The following MEGF11 variants were observed in gnomAD, a reference collection of about 807,000 sequenced individuals.
The protein encoded by MEGF11 is multiple EGF like domains 11.
MEGF11 carries 126 observed loss-of-function variants against 146.6 expected under a neutral mutation model. That is an observed-to-expected ratio of 0.86 (90% confidence interval 0.74 to 1.00). MEGF11 has a LOEUF of 1.00. MEGF11 is among the 50% of genes least tolerant of loss of function. The pLI is 0.00. For synonymous variants in MEGF11, 532 were observed against 583.4 expected, an observed-to-expected ratio of 0.91 and a Z score of 1.27; for missense variants, 1,509 against 1,521.2, an observed-to-expected ratio of 0.99 and a Z score of 0.13.
intron 5 of MEGF11, among the ~76,000 whole-genome samples, chr15:66,006,554 C>T (rs2082526535): frequency 6.6e-6 from 1 of 152,188 alleles, no homozygotes; most frequent in East Asian, 1.9e-4. Flanking sequence ...CAGACAGAGA[C>T]TCCTAGGGCT....
chr15:66,009,923 AG>A (rs1185306430), intron 5 of MEGF11, among the ~76,000 whole-genome samples: 1 of 152,092 alleles, frequency 6.6e-6, no homozygotes, highest in Non-Finnish European at 1.5e-5. Flanking sequence ...AAAGGTGGGT[AG>A]GGGGAAGAAG....
intron 1 of MEGF11, among the ~76,000 whole-genome samples, chr15:66,218,134 G>A (rs374330898): frequency 3.9e-5 from 6 of 152,204 alleles, no homozygotes; most frequent in East Asian, 1.9e-4. Context: ...TGTTACAGTC[G>A]ACAATCACCT....
chr15:66,210,738 C>T (rs1469393791), intron 1 of MEGF11, among the ~76,000 whole-genome samples: 2 of 152,220 alleles, frequency 1.3e-5, no homozygotes, highest in Non-Finnish European at 2.9e-5. Flanking sequence ...AGGCTAGATT[C>T]CTCCCTGGAA....
intron 1 of MEGF11, among the ~76,000 whole-genome samples, chr15:66,237,374 G>A (rs1259056724): frequency 6.6e-6 from 1 of 152,092 alleles, no homozygotes; most frequent in African/African-American, 2.4e-5. Flanking sequence ...CCTTAAAATT[G>A]ATGGTCTCAC....
chr15:66,203,926 T>C (rs2091232545), intron 1 of MEGF11, among the ~76,000 whole-genome samples: 1 of 152,164 alleles, frequency 6.6e-6, no homozygotes, highest in African/African-American at 2.4e-5. Flanking sequence ...TAGGAGTGAA[T>C]ATCTTGATAT....
At chr15:66,112,578 G>A (rs1409973307) in intron 4 of MEGF11, among the ~76,000 whole-genome samples, 2 of 152,184 alleles carry the variant, frequency 1.3e-5, no homozygotes, top group African/African-American at 4.8e-5. Context: ...GGTGTGGTTG[G>A]CAATTTTCCA....
chr15:66,051,279 G>A (rs1182989662), intron 5 of MEGF11, among the ~76,000 whole-genome samples: 1 of 152,122 alleles, frequency 6.6e-6, no homozygotes, highest in Non-Finnish European at 1.5e-5. Context: ...GAGTGTTGGC[G>A]GGAAGAAGGG....
At chr15:66,189,326 C>T (rs935411564) in intron 1 of MEGF11, among the ~76,000 whole-genome samples, 5 of 151,994 alleles carry the variant, frequency 3.3e-5, no homozygotes, top group African/African-American at 1.2e-4. Flanking sequence ...GGGACAGATG[C>T]CAGCGGGAAG....
intron 1 of MEGF11, among the ~76,000 whole-genome samples, chr15:66,136,388 C>T (rs2088891179): frequency 6.6e-6 from 1 of 152,180 alleles, no homozygotes; most frequent in Non-Finnish European, 1.5e-5. Flanking sequence ...TCTCCCGCCA[C>T]ACCTCAGGGA....
chr15:66,058,696 T>A (rs1173577693), intron 5 of MEGF11, among the ~76,000 whole-genome samples: 1 of 152,006 alleles, frequency 6.6e-6, no homozygotes, highest in African/African-American at 2.4e-5. Flanking sequence ...GCATCAGGGG[T>A]CACTTCATGC....
chr15:66,054,646 GTA>G (rs1040050231), intron 5 of MEGF11, among the ~76,000 whole-genome samples: 1 of 152,180 alleles, frequency 6.6e-6, no homozygotes, highest in Non-Finnish European at 1.5e-5. Context: ...GGCTGCAGAG[GTA>G]TTCTTTTAAA....
chr15:65,918,324 A>G (rs942650570), intron 15 of MEGF11, among the ~76,000 whole-genome samples: 14 of 152,256 alleles, frequency 9.2e-5, no homozygotes, highest in Admixed American at 1.3e-4. Flanking sequence ...CTCTATTATG[A>G]TTGCCTTTAA....
intron 5 of MEGF11, among the ~76,000 whole-genome samples, chr15:66,086,391 A>C (rs898745118): frequency 1.2e-4 from 19 of 152,232 alleles, no homozygotes; most frequent in Non-Finnish European, 1.5e-5. Flanking sequence ...TAAGGAAAGA[A>C]TCTTAAGGGC....
chr15:65,934,961 C>T (rs1264396935), intron 10 of MEGF11, among the ~76,000 whole-genome samples: 4 of 152,148 alleles, frequency 2.6e-5, no homozygotes, highest in Non-Finnish European at 4.4e-5. Flanking sequence ...CTGTGAACCT[C>T]TCTAGCAAGT....
chr15:65,990,632 GAGAA>G (rs2082007309), intron 5 of MEGF11, among the ~76,000 whole-genome samples: 1 of 70,122 alleles, frequency 1.4e-5, no homozygotes. Context: ...AAGAAAAAAA[GAGAA>G]AGGAAAAGAA....
chr15:66,042,689 C>T (rs1456887784), intron 5 of MEGF11, among the ~76,000 whole-genome samples: 4 of 152,170 alleles, frequency 2.6e-5, no homozygotes, highest in East Asian at 1.9e-4. Flanking sequence ...AGTCCCTCCT[C>T]GCCCCTCCCA....
chr15:66,152,755 G>A lies in MEGF11; in HGVS notation c.-8-24344C>T, dbSNP rs540674691. ...TGTCCTCCCACTGTGGCCTGTGGATGCACATGGCCGGATGGCAGTGGGTGG... is the reference window on the plus strand; with the variant it reads ...TGTCCTCCCACTGTGGCCTGTGGATACACATGGCCGGATGGCAGTGGGTGG... On this transcript the variant is annotated intron_variant, in intron 1 of 25. Transcript: ENST00000395614. Among the ~76,000 whole-genome samples, 179 of 152,360 alleles carry A rather than the reference G, an allele frequency of 1.2e-3. 6 individuals are homozygous for A. Among genetic ancestry groups the A allele is most frequent in the Admixed American group, 9.5e-3 (145 of 15,306 alleles).
In MEGF11 at chr15:66,119,158, C is replaced by T. The variant is rs1257932758; in HGVS notation, c.229G>A (p.Gly77Ser). Residue 77 changes from glycine to serine, a missense_variant, in exon 4 of 26, where the codon GGC becomes AGC. Transcript: ENST00000395614. ...RISYKTAYRR[G>S]LRTMYRRRSQ... Reference sequence around the variant, plus strand: ...CTCCGCCGGTACATGGTCCGGAGGCCTCTCCGATACGCCGTCTTATAACTG... The same window carrying T: ...CTCCGCCGGTACATGGTCCGGAGGCTTCTCCGATACGCCGTCTTATAACTG... 6.4e-7 allele frequency: 1 copy of T among 1,551,544 alleles called. No homozygotes were observed. Among genetic ancestry groups the T allele is most frequent in the South Asian group, 1.2e-5 (1 of 84,058 alleles).
chr15:66,158,899 T>C (rs1328819506), intron 1 of MEGF11, among the ~76,000 whole-genome samples: 3 of 152,232 alleles, frequency 2.0e-5, no homozygotes, highest in African/African-American at 7.2e-5. Context: ...CTCCATGCAG[T>C]AGCTTCTAAA....
Sources: gnomAD v4.1 joint callset for allele counts (sites outside exome capture counted in the v4.1 genomes callset) on GRCh38, gnomAD v4.1.1 for gene constraint, MANE v1.5 for transcripts, NCBI Gene and HGNC (gene_info 2026-07-23, HGNC 2026-07-21) for gene names.